The following DENND6A variants were observed in gnomAD, a reference collection of about 807,000 sequenced individuals.
The protein encoded by DENND6A is protein DENND6A.
A neutral mutation model predicts 95.5 loss-of-function variants in DENND6A; 43 were observed. That is an observed-to-expected ratio of 0.45 (90% confidence interval 0.35 to 0.58). The LOEUF (loss-of-function observed/expected upper bound fraction) is 0.58. DENND6A is among the 20% of genes least tolerant of loss of function. DENND6A has a pLI of 0.00. For synonymous variants in DENND6A, 257 were observed against 260.4 expected, an observed-to-expected ratio of 0.99 and a Z score of 0.13; for missense variants, 574 against 736.0, an observed-to-expected ratio of 0.78 and a Z score of 2.55.
At position 57,692,865 on chromosome 3, in the gene DENND6A, G is replaced by A. The variant is rs1009618607; in HGVS notation, c.154C>T (p.Leu52=). 1.1e-5 allele frequency: 17 copies of A among 1,586,462 alleles called. No homozygotes were observed. In the Admixed American group the frequency reaches 1.6e-4, roughly 15 times the overall value. The change falls in exon 1 of 20, where the codon CTG becomes TTG. Residue 52 remains leucine (L), a synonymous_variant. Transcript: ENST00000311128. ...DEEDDGRGRG[L]LRWDSFSAWL... ...GCGGAGAAGCTGTCCCAGCGCAGCA[G>A]GCCCCGGCCACGGCCATCGTCCTCT...
At chr3:57,671,381 T>C (rs1184917777) in intron 3 of DENND6A, among the ~76,000 whole-genome samples, 1 of 151,718 alleles carries the variant, frequency 6.6e-6, no homozygotes, top group African/African-American at 2.4e-5. Context: ...AAACAAAAAA[T>C]TAGCCGGGAC....
rs778616339 is a variant in DENND6A at position 57,660,749 on chromosome 3, T to C, written c.699+11A>G. The C allele has an allele frequency of 8.8e-6, 14 of 1,591,644 alleles. No homozygotes were observed. Among genetic ancestry groups the C allele is most frequent in the African/African-American group, 1.4e-5 (1 of 73,362 alleles). On this transcript the variant is annotated intron_variant, in intron 7 of 19. Coordinates refer to ENST00000311128, the MANE Select transcript of DENND6A (RefSeq NM_152678.3). ...AAATAAAAAGGAGACAATTGAGATATAAGATATTACCTTCATTACCACCCC... is the reference window on the plus strand; with the variant it reads ...AAATAAAAAGGAGACAATTGAGATACAAGATATTACCTTCATTACCACCCC...
chr3:57,628,238 T>C lies in DENND6A; in HGVS notation c.1803A>G (p.Ile601Met), dbSNP rs758056981. Reference protein sequence around the residue: ...ILALPEDLQGILLKTGMT With the variant: ...ILALPEDLQGMLLKTGMT The stretch of plus-strand genomic sequence containing the variant: ...ATCATGTCATGCCCGTTTTGAGCAG[T>C]ATGCCTTGCAAGTCCTCTGGCAATG... Residue 601 changes from isoleucine to methionine, a missense_variant, in exon 20 of 20, where the codon ATA (isoleucine) becomes ATG (methionine). Physicochemically the swap from Ile to Met is conservative, Grantham distance 10 (BLOSUM62 1). Transcript: ENST00000311128. The C allele has an allele frequency of 5.6e-6, 9 of 1,613,738 alleles. No homozygotes were observed. The African/African-American group carries it at 8.0e-5, about 14-fold the overall frequency.
rs1450619055 is a variant in DENND6A at position 57,627,275 on chromosome 3, C to G, written c.*939G>C. 1 of 152,190 alleles carries G rather than the reference C, an allele frequency of 6.6e-6. No individual in the cohort carries two copies. Among genetic ancestry groups the G allele is most frequent in the African/African-American group, 2.4e-5 (1 of 41,420 alleles). The allele number at this position is 152,190 out of a possible 1,614,324, so 9.4% of individuals were successfully genotyped here. On this transcript the variant is annotated 3_prime_UTR_variant, in exon 20 of 20. Coordinates refer to ENST00000311128, the MANE Select transcript of DENND6A (RefSeq NM_152678.3). Reference sequence around the variant, plus strand: ...TCTCACATCTCAGCCTCCCAAGTAGCTGGGATTACAGGCGCGTGCCACCAT... The same window carrying G: ...TCTCACATCTCAGCCTCCCAAGTAGGTGGGATTACAGGCGCGTGCCACCAT...
chr3:57,690,234 G>A (rs969234322), intron 1 of DENND6A, among the ~76,000 whole-genome samples: 5 of 152,018 alleles, frequency 3.3e-5, no homozygotes, highest in Non-Finnish European at 5.9e-5. Flanking sequence ...GGCCAGGCGC[G>A]GTGGCTCATG....
At chr3:57,648,264 C>CTT (rs756055600) in intron 9 of DENND6A, among the ~76,000 whole-genome samples, 4 of 151,980 alleles carry the variant, frequency 2.6e-5, no homozygotes, top group Non-Finnish European at 5.9e-5. Flanking sequence ...AGCTGCAATA[C>CTT]ATAAAATACT....
chr3:57,633,139 T>C lies in DENND6A; in HGVS notation c.1353+126A>G, dbSNP rs942951833. 22 of 781,606 alleles carry C rather than the reference T, an allele frequency of 2.8e-5. No homozygotes were observed. The African/African-American group carries it at 3.9e-4, about 14-fold the overall frequency. 48.4% of individuals were successfully genotyped at this position (781,606 alleles called of 1,614,324 possible). ...AGGTCTCTTGCAAAGGGGTTTATTT[T>C]TAATCACTAAATATACCAGGCTGGC... On this transcript the variant is annotated intron_variant, in intron 15 of 19. Transcript: ENST00000311128.
chr3:57,657,048 T>C (rs1203796965), intron 9 of DENND6A, among the ~76,000 whole-genome samples: 2 of 152,216 alleles, frequency 1.3e-5, no homozygotes, highest in African/African-American at 2.4e-5. Flanking sequence ...TTTATAGCAG[T>C]GGTTTTTCAA....
chr3:57,689,356 C>T (rs560165616), intron 1 of DENND6A, among the ~76,000 whole-genome samples: 3 of 151,542 alleles, frequency 2.0e-5, no homozygotes, highest in South Asian at 2.1e-4. Flanking sequence ...ATTCTGTATT[C>T]GGATAATTAA....
chr3:57,636,928 C>G (rs2070806682), intron 12 of DENND6A, among the ~76,000 whole-genome samples: 2 of 131,704 alleles, frequency 1.5e-5, no homozygotes, highest in Non-Finnish European at 3.1e-5. Flanking sequence ...CAGAGCGAGA[C>G]TCTGTCTCAA....
chr3:57,683,468 T>C (rs1441148249), intron 1 of DENND6A, among the ~76,000 whole-genome samples: 2 of 152,192 alleles, frequency 1.3e-5, no homozygotes, highest in Admixed American at 6.5e-5. Flanking sequence ...CTTTATGTCA[T>C]TGACATAGGT....
At chr3:57,668,387 G>A (rs903683246) in intron 3 of DENND6A, among the ~76,000 whole-genome samples, 1 of 152,126 alleles carries the variant, frequency 6.6e-6, no homozygotes, top group Non-Finnish European at 1.5e-5. Flanking sequence ...CTCTACTAAT[G>A]CTGAGTTTTT....
At chr3:57,679,488 T>C in intron 1 of DENND6A, 1 of 985,426 alleles carries the variant, frequency 1.0e-6, no homozygotes, top group Non-Finnish European at 1.2e-6. Context: ...TTTACTCACC[T>C]TGACTTTGGG....
intron 15 of DENND6A, among the ~76,000 whole-genome samples, chr3:57,632,503 A>G (rs1291395848): frequency 6.6e-6 from 1 of 152,196 alleles, no homozygotes; most frequent in Non-Finnish European, 1.5e-5. Context: ...GCACTACAGT[A>G]AAGTTTATTT....
rs2153411880 is a variant in DENND6A at position 57,630,930 on chromosome 3, A to G, written c.1402T>C (p.Trp468Arg). ...LMPLQKSISPWKSPPQLRQFL... is the reference protein window; with the variant it reads ...LMPLQKSISPRKSPPQLRQFL... ...AGATTTGAATATATTCATACCTTCCATGGGGAAATACTTTTCTGCAAAGGC... is the reference window on the plus strand; with the variant it reads ...AGATTTGAATATATTCATACCTTCCGTGGGGAAATACTTTTCTGCAAAGGC... The change falls in exon 16 of 20, where the codon TGG (tryptophan) becomes CGG (arginine). Residue 468 changes from tryptophan (W) to arginine (R), a missense_variant. Transcript: ENST00000311128. The G allele has an allele frequency of 6.2e-7, 1 of 1,613,616 alleles. No homozygotes were observed. The highest frequency in any genetic ancestry group is 2.2e-5 in the East Asian group (1 of 44,850).
intron 4 of DENND6A, 94 bp from the exon 5 acceptor site, chr3:57,663,810 A>G: frequency 1.5e-6 from 1 of 676,330 alleles, no homozygotes; most frequent in Admixed American, 3.4e-5. Flanking sequence ...TATTAACATC[A>G]GGCTCCTTTA....
chr3:57,666,112 A>G lies in DENND6A; in HGVS notation c.432+11T>C. 6.2e-7 allele frequency: 1 copy of G among 1,607,418 alleles called. No homozygotes were observed. Among genetic ancestry groups the G allele is most frequent in the Non-Finnish European group, 8.5e-7 (1 of 1,175,176 alleles). ...CTCACATGGACATTTTCCTATGACTACTTTTCCAACCTTTAAGTAAACTGG... is the reference window on the plus strand; with the variant it reads ...CTCACATGGACATTTTCCTATGACTGCTTTTCCAACCTTTAAGTAAACTGG... On this transcript the variant is annotated intron_variant, in intron 4 of 19. Transcript: ENST00000311128.
chr3:57,634,362 G>T (rs967495328), intron 14 of DENND6A, among the ~76,000 whole-genome samples, 196 bp downstream of exon 14: 1 of 150,908 alleles, frequency 6.6e-6, no homozygotes, highest in Non-Finnish European at 1.5e-5. Flanking sequence ...GAACCCGGGA[G>T]GTGGAGGTTG....
At chr3:57,672,577 G>T in intron 1 of DENND6A, 139 bp from the exon 2 acceptor site, 1 of 798,856 alleles carries the variant, frequency 1.3e-6, no homozygotes. Flanking sequence ...GAGGTCAGGT[G>T]TTTAAGACCA....
Sources: gnomAD v4.1 joint callset for allele counts (sites outside exome capture counted in the v4.1 genomes callset) on GRCh38, gnomAD v4.1.1 for gene constraint, MANE v1.5 for transcripts, NCBI Gene and HGNC (gene_info 2026-07-23, HGNC 2026-07-21) for gene names.